NTN1: variants seen among roughly 807,000 people sequenced by gnomAD.
NTN1 encodes netrin 1, also known as netrin-1.
Under a neutral mutation model 54.2 loss-of-function variants are expected in NTN1, and 11 were observed. That is an observed-to-expected ratio of 0.20 (90% CI 0.13 to 0.34). The LOEUF (loss-of-function observed/expected upper bound fraction) is 0.34. Ranked by LOEUF, NTN1 falls within the 10% of genes least tolerant of loss-of-function variation. NTN1 has a pLI of 1.00. For synonymous variants in NTN1, 371 were observed against 382.0 expected (o/e 0.97, Z 0.33); for missense variants, 740 against 893.1 (o/e 0.83, Z 2.18).
At chr17:9,085,827 G>T (rs2092088412) in intron 2 of NTN1, among the ~76,000 whole-genome samples, 1 of 152,150 alleles carries the variant, frequency 6.6e-6, no homozygotes, top group Admixed American at 6.5e-5. Flanking sequence ...TGGGGATTCA[G>T]CAGAGATCAA....
intron 2 of NTN1, among the ~76,000 whole-genome samples, chr17:9,083,247 C>T (rs555348845): frequency 5.9e-5 from 9 of 152,200 alleles, no homozygotes; most frequent in African/African-American, 1.2e-4. Context: ...TACAGGCATG[C>T]GCCACCACAC....
chr17:9,163,036 G>C (rs748575791), intron 3 of NTN1, 35 bp downstream of exon 3: 1 of 1,553,352 alleles, frequency 6.4e-7, no homozygotes, highest in South Asian at 1.2e-5. Context: ...GGGCTGGGGA[G>C]ACCCGGGGAA....
intron 2 of NTN1, among the ~76,000 whole-genome samples, chr17:9,096,364 G>C (rs1489209456): frequency 4.1e-5 from 2 of 48,336 alleles, no homozygotes; most frequent in Admixed American, 4.5e-4. Context: ...TTTATGGGTA[G>C]ACTTTTTTTT....
At position 9,023,306 on chromosome 17, in the gene NTN1, C is replaced by T. The variant is rs113016880; in HGVS notation, c.933C>T (p.Ala311=). 6.9e-4 allele frequency: 1,063 copies of T among 1,544,006 alleles called. 15 individuals carry two copies. The African/African-American group carries it at 0.012, about 18-fold the overall frequency. The change falls in exon 2 of 7, where the codon GCC becomes GCT. Residue 311 remains alanine (A), a synonymous_variant. Coordinates refer to ENST00000173229, the MANE Select transcript of NTN1 (RefSeq NM_004822.3). ...SLVCDCRHNT[A]GPECDRCKPF... ...TGTGCGACTGCAGGCACAACACGGCCGGCCCGGAGTGCGACCGCTGCAAGC... is the reference window on the plus strand; with the variant it reads ...TGTGCGACTGCAGGCACAACACGGCTGGCCCGGAGTGCGACCGCTGCAAGC...
chr17:9,078,055 T>A (rs1597479589), intron 2 of NTN1, among the ~76,000 whole-genome samples: 1 of 150,614 alleles, frequency 6.6e-6, no homozygotes, highest in Non-Finnish European at 1.5e-5. Context: ...TGCCCATCCA[T>A]CTATCCATCC....
chr17:9,050,957 C>G lies in NTN1; in HGVS notation c.1018+27566C>G, dbSNP rs543239673. 5.3e-5 allele frequency among the ~76,000 whole-genome samples: 8 copies of G among 152,300 alleles called. 1 individual carries two copies. Among genetic ancestry groups the G allele is most frequent in the African/African-American group, 1.9e-4 (8 of 41,564 alleles). ...TCCCTCTTGCCCTGGAGCAAAAGAA[C>G]CAATCCTGTCCACTAGGCTGTTTCA... On this transcript the variant is annotated intron_variant, in intron 2 of 6. Coordinates refer to ENST00000173229, the MANE Select transcript of NTN1 (RefSeq NM_004822.3).
chr17:9,013,190 A>G, the NTN1 span, among the ~76,000 whole-genome samples: 2 of 149,750 alleles, frequency 1.3e-5, no homozygotes, highest in East Asian at 2.0e-4. Context: ...CTACAGAGAA[A>G]CACTCTTTTT....
intron 2 of NTN1, among the ~76,000 whole-genome samples, chr17:9,034,217 C>G (rs553911841): frequency 6.6e-6 from 1 of 152,090 alleles, no homozygotes; most frequent in Admixed American, 6.5e-5. Context: ...GTGTGAGGAG[C>G]CCTGTGTTCT....
At position 9,211,256 on chromosome 17, in the gene NTN1, C is replaced by T. The variant is rs1051755520; in HGVS notation, c.1412-9912C>T. Among the ~76,000 whole-genome samples the T allele has an allele frequency of 2.6e-5, 4 of 152,134 alleles. No individual in the cohort carries two copies. The highest frequency in any genetic ancestry group is 1.9e-4 in the East Asian group (1 of 5,184). The stretch of plus-strand genomic sequence containing the variant: ...CCTGCCCTGGGGCCTTTGCAACTGC[C>T]GAGTGCTGGGATGCTCCTCCCTGCA... On this transcript the variant is annotated intron_variant, in intron 5 of 6. Transcript: ENST00000173229. The surrounding 1 kb of genome is among the most constrained non-coding windows in gnomAD (Gnocchi z 4.4).
At chr17:9,054,564 T>C (rs1447720760) in intron 2 of NTN1, among the ~76,000 whole-genome samples, 2 of 152,154 alleles carry the variant, frequency 1.3e-5, no homozygotes, top group African/African-American at 2.4e-5. Context: ...ACAGTATCCA[T>C]CAAAAGGTGC....
At chr17:9,054,036 G>T (rs968904636) in intron 2 of NTN1, among the ~76,000 whole-genome samples, 1 of 152,178 alleles carries the variant, frequency 6.6e-6, no homozygotes, top group Non-Finnish European at 1.5e-5. Flanking sequence ...AGGGATCCCC[G>T]TTGGGTGCCT....
At chr17:9,117,624 G>A (rs868290154) in intron 2 of NTN1, among the ~76,000 whole-genome samples, 4 of 152,000 alleles carry the variant, frequency 2.6e-5, no homozygotes, top group African/African-American at 9.6e-5. Context: ...CACACCTGTA[G>A]TCCCAGCTAC....
chr17:9,123,214 C>A (rs1273569379), intron 2 of NTN1, among the ~76,000 whole-genome samples: 1 of 152,072 alleles, frequency 6.6e-6, no homozygotes, highest in Non-Finnish European at 1.5e-5. Flanking sequence ...TCTAAAAAAA[C>A]CTGTTGGCCA....
intron 2 of NTN1, among the ~76,000 whole-genome samples, chr17:9,128,708 C>A (rs1438926918): frequency 2.0e-5 from 3 of 152,152 alleles, no homozygotes; most frequent in African/African-American, 7.2e-5. Context: ...CCGAGGGAGA[C>A]CCTTTGCCAA....
intron 2 of NTN1, among the ~76,000 whole-genome samples, chr17:9,154,641 G>C (rs936809582): frequency 6.6e-6 from 1 of 152,108 alleles, no homozygotes; most frequent in Non-Finnish European, 1.5e-5. Context: ...ACGCTGAAAA[G>C]GGGGCTCAGA....
intron 6 of NTN1, among the ~76,000 whole-genome samples, chr17:9,227,611 T>C (rs985239235): frequency 1.2e-4 from 3 of 24,812 alleles, no homozygotes; most frequent in African/African-American, 2.1e-4. Context: ...CCATCACACA[T>C]CAGATACACA....
At position 9,023,314 on chromosome 17, in the gene NTN1, A is replaced by G. The variant is rs2091859769; in HGVS notation, c.941A>G (p.Glu314Gly). 1.9e-6 allele frequency: 3 copies of G among 1,540,208 alleles called. No homozygotes were observed. Among genetic ancestry groups the G allele is most frequent in the Non-Finnish European group, 2.6e-6 (3 of 1,145,718 alleles). ...CDCRHNTAGP[E>G]CDRCKPFHYD... ...TGCAGGCACAACACGGCCGGCCCGGAGTGCGACCGCTGCAAGCCCTTCCAC... is the reference window on the plus strand; with the variant it reads ...TGCAGGCACAACACGGCCGGCCCGGGGTGCGACCGCTGCAAGCCCTTCCAC... Residue 314 changes from glutamate to glycine, a missense_variant, in exon 2 of 7, where the codon GAG becomes GGG. Coordinates refer to ENST00000173229, the MANE Select transcript of NTN1 (RefSeq NM_004822.3).
At chr17:9,195,371 G>T (rs1904602270) in intron 5 of NTN1, among the ~76,000 whole-genome samples, 2 of 152,236 alleles carry the variant, frequency 1.3e-5, no homozygotes, top group Non-Finnish European at 2.9e-5. Flanking sequence ...AGCAAGTGGG[G>T]GCGGAATATT....
At chr17:9,124,666 C>T (rs1335401992) in intron 2 of NTN1, among the ~76,000 whole-genome samples, 2 of 152,216 alleles carry the variant, frequency 1.3e-5, no homozygotes, top group African/African-American at 2.4e-5. Flanking sequence ...ACCTACCTAC[C>T]TCATGCCATG....
Sources: gnomAD v4.1 joint callset for allele counts (sites outside exome capture counted in the v4.1 genomes callset) on GRCh38, gnomAD v4.1.1 for gene constraint, Gnocchi (gnomAD v3.1) non-coding constraint, MANE v1.5 for transcripts, NCBI Gene and HGNC (gene_info 2026-07-23, HGNC 2026-07-21) for gene names.